The following USP25 variants were observed in gnomAD, a reference collection of about 807,000 sequenced individuals.
USP25 encodes ubiquitin carboxyl-terminal hydrolase 25.
Under a neutral mutation model 158.5 loss-of-function variants are expected in USP25, and 85 were observed. That is an observed-to-expected ratio of 0.54 (90% CI 0.45 to 0.64). The LOEUF (loss-of-function observed/expected upper bound fraction) is 0.64, where lower values mean the gene tolerates loss of function less well. Ranked by LOEUF, USP25 falls within the 30% of genes least tolerant of loss-of-function variation. USP25 has a pLI of 0.00. For missense variants in USP25, 1,242 were observed against 1,327.3 expected (o/e 0.94, Z 1.00); for synonymous variants, 464 against 460.4 (o/e 1.01, Z -0.10).
intron 10 of USP25, among the ~76,000 whole-genome samples, chr21:15,822,811 T>C (rs1010343502): frequency 1.3e-5 from 2 of 152,036 alleles, no homozygotes; most frequent in African/African-American, 4.8e-5. Flanking sequence ...ATGTTTCTTA[T>C]ATTTTTCATA....
intron 18 of USP25, 57 bp downstream of exon 18, chr21:15,842,597 G>T (rs2038392207): frequency 6.3e-7 from 1 of 1,584,610 alleles, no homozygotes; most frequent in African/African-American, 1.4e-5. Flanking sequence ...ATTTCCTCCA[G>T]TATAGTGGAG....
chr21:15,730,544 T>G, intron 1 of USP25, 106 bp downstream of exon 1: 1 of 1,203,956 alleles, frequency 8.3e-7, no homozygotes, highest in Non-Finnish European at 1.0e-6. Context: ...CTTCCCGGGC[T>G]TCCTCCCCGG....
intron 18 of USP25, 149 bp from the exon 19 acceptor site, chr21:15,847,514 T>C (rs2038678706): frequency 1.8e-6 from 1 of 547,902 alleles, no homozygotes; most frequent in Admixed American, 2.9e-5. Flanking sequence ...AACAGTTTAA[T>C]AGTGCATGTG....
chr21:15,844,467 C>T (rs2038485099), intron 18 of USP25, among the ~76,000 whole-genome samples: 1 of 152,114 alleles, frequency 6.6e-6, no homozygotes, highest in Non-Finnish European at 1.5e-5. Context: ...AAGTGCCTGG[C>T]ATGGCATGTA....
intron 8 of USP25, 53 bp downstream of exon 8, chr21:15,808,938 T>G (rs1418371261): frequency 1.6e-6 from 2 of 1,231,912 alleles, no homozygotes; most frequent in Non-Finnish European, 2.3e-6. Flanking sequence ...TTAGATAGCA[T>G]GTATTAAATG....
At chr21:15,804,021 G>A (rs758386699) in intron 6 of USP25, among the ~76,000 whole-genome samples, 8 of 151,804 alleles carry the variant, frequency 5.3e-5, no homozygotes, top group Non-Finnish European at 8.8e-5. Flanking sequence ...AATTTTTTCC[G>A]TTAAAATTGT....
chr21:15,756,259 A>G (rs1309475711), intron 1 of USP25, among the ~76,000 whole-genome samples: 2 of 152,128 alleles, frequency 1.3e-5, no homozygotes, highest in Non-Finnish European at 2.9e-5. Context: ...CAGTCAGATA[A>G]GGGAACTTCA....
intron 5 of USP25, among the ~76,000 whole-genome samples, chr21:15,798,243 G>C (rs778618839): frequency 6.6e-6 from 1 of 151,222 alleles, no homozygotes; most frequent in Non-Finnish European, 1.5e-5. Flanking sequence ...TCCTTGAAAT[G>C]TGCCAGCTAT....
At chr21:15,870,592 T>C (rs2039844185) in intron 23 of USP25, among the ~76,000 whole-genome samples, 1 of 152,186 alleles carries the variant, frequency 6.6e-6, no homozygotes, top group African/African-American at 2.4e-5. Flanking sequence ...ACTTATTTAA[T>C]TATACTATTA....
chr21:15,812,951 C>T (rs2036745595), intron 9 of USP25, among the ~76,000 whole-genome samples: 2 of 151,952 alleles, frequency 1.3e-5, no homozygotes, highest in Admixed American at 6.6e-5. Context: ...AGTTCATTGT[C>T]CCCTCTCAGC....
At chr21:15,863,864 A>G (rs558519574) in intron 20 of USP25, among the ~76,000 whole-genome samples, 2 of 151,888 alleles carry the variant, frequency 1.3e-5, no homozygotes, top group African/African-American at 4.8e-5. Flanking sequence ...GTGAAACCCC[A>G]TCTCTACTAA....
At chr21:15,805,383 A>G (rs1409051813) in intron 7 of USP25, 125 bp downstream of exon 7, 4 of 946,506 alleles carry the variant, frequency 4.2e-6, no homozygotes, top group Admixed American at 3.9e-5. Context: ...AATAACCTGG[A>G]ACCATTTAAA....
chr21:15,875,148 G>T lies in USP25; in HGVS notation c.3009+622G>T, dbSNP rs191059096. Among the ~76,000 whole-genome samples the T allele has an allele frequency of 6.6e-6, 1 of 152,090 alleles. No homozygotes were observed. The highest frequency in any genetic ancestry group is 1.5e-5 in the Non-Finnish European group (1 of 68,016). On this transcript the variant is annotated intron_variant, in intron 24 of 25. Coordinates refer to ENST00000400183, the MANE Select transcript of USP25 (RefSeq NM_001283041.3). This position sits in a 1 kb window ranked among gnomAD's most constrained non-coding sequence, Gnocchi z 4.7. ...GATCGCGCCACTGCATTCCATCCTGGCAACCAGGTGACAGAGCAAGACTCT... is the reference window on the plus strand; with the variant it reads ...GATCGCGCCACTGCATTCCATCCTGTCAACCAGGTGACAGAGCAAGACTCT...
intron 1 of USP25, among the ~76,000 whole-genome samples, chr21:15,745,879 C>G (rs1205731577): frequency 6.6e-6 from 1 of 152,224 alleles, no homozygotes; most frequent in African/African-American, 2.4e-5. Context: ...GAATTCATTT[C>G]TGTGTGTGTT....
intron 1 of USP25, among the ~76,000 whole-genome samples, chr21:15,736,105 CT>C (rs201592341): frequency 1.4e-4 from 20 of 146,140 alleles, no homozygotes; most frequent in African/African-American, 1.8e-4. Flanking sequence ...TTATTTCCTG[CT>C]TTTTTTTTTG....
At chr21:15,817,950 A>G (rs1425165443) in intron 9 of USP25, among the ~76,000 whole-genome samples, 4 of 152,018 alleles carry the variant, frequency 2.6e-5, no homozygotes, top group Admixed American at 6.6e-5. Flanking sequence ...GGACCACAAG[A>G]CCTTGTAGAT....
At chr21:15,750,201 T>C (rs2032880884) in intron 1 of USP25, among the ~76,000 whole-genome samples, 1 of 141,872 alleles carries the variant, frequency 7.0e-6, no homozygotes, top group Admixed American at 7.1e-5. Flanking sequence ...TGTGTGTGTG[T>C]GTGTGTGTGT....
chr21:15,847,767 T>C lies in USP25; in HGVS notation c.2442T>C (p.Tyr814=). Residue 814 remains tyrosine (Y), a synonymous_variant, in exon 19 of 26, where the codon TAT becomes TAC. Transcript: ENST00000400183. ...KFMIESKEGG[Y]DDEIMMTPNM... ...TGATTGAATCAAAGGAGGGGGGGTA[T>C]GATGACGAGGTACCTTTTACAGCCC... The C allele has an allele frequency of 6.5e-7, 1 of 1,547,716 alleles. No individual in the cohort carries two copies. The highest frequency in any genetic ancestry group is 8.7e-7 in the Non-Finnish European group (1 of 1,144,438).
intron 1 of USP25, among the ~76,000 whole-genome samples, chr21:15,747,662 CTACTAAGTGGG>C (rs1435810960): frequency 2.8e-4 from 42 of 152,090 alleles, no homozygotes; most frequent in African/African-American, 9.9e-4. Context: ...TGGCTGCTGA[CTACTAAGTGGG>C]TAGTATACAC....
Sources: gnomAD v4.1 joint callset for allele counts (sites outside exome capture counted in the v4.1 genomes callset) on GRCh38, gnomAD v4.1.1 for gene constraint, Gnocchi (gnomAD v3.1) non-coding constraint, MANE v1.5 for transcripts, NCBI Gene and HGNC (gene_info 2026-07-23, HGNC 2026-07-21) for gene names.